The following FGD5 variants were observed in gnomAD, a reference collection of about 807,000 sequenced individuals.
FGD5 encodes FYVE, RhoGEF and PH domain containing 5.
In FGD5, 28 loss-of-function variants were observed where a neutral mutation model predicts 133.4. The ratio of observed to expected loss-of-function variants is 0.21; its 90% confidence interval spans 0.16 to 0.29. The LOEUF is 0.29. FGD5 is among the 10% of genes least tolerant of loss of function. The pLI is 1.00. For missense variants in FGD5, 1,858 were observed against 1,895.2 expected (o/e 0.98, Z 0.36); for synonymous variants, 810 against 776.5 (o/e 1.04, Z -0.72).
intron 10 of FGD5, among the ~76,000 whole-genome samples, chr3:14,908,688 C>G (rs1363986647): frequency 2.0e-5 from 3 of 151,808 alleles, no homozygotes; most frequent in African/African-American, 4.8e-5. Context: ...AGTTCGAGAT[C>G]AGTCTGGCTA....
intron 6 of FGD5, 57 bp downstream of exon 6, chr3:14,898,152 G>T: frequency 6.2e-7 from 1 of 1,604,824 alleles, no homozygotes; most frequent in Non-Finnish European, 8.5e-7. Flanking sequence ...TGAGGTGGGC[G>T]AAGGGCTTAA....
intron 1 of FGD5, among the ~76,000 whole-genome samples, chr3:14,851,099 G>A (rs1197984813): frequency 6.6e-6 from 1 of 152,190 alleles, no homozygotes; most frequent in African/African-American, 2.4e-5. Context: ...CCACACTGGT[G>A]ACAGAGGTGG....
At chr3:14,923,910 C>T (rs1266888496) in intron 16 of FGD5, 98 bp from the exon 17 acceptor site, 1 of 1,459,960 alleles carries the variant, frequency 6.8e-7, no homozygotes, top group Non-Finnish European at 9.3e-7. Flanking sequence ...ACCCCCATGG[C>T]TCACATTCCT....
chr3:14,860,409 G>T (rs979099258), intron 1 of FGD5, among the ~76,000 whole-genome samples: 4 of 152,140 alleles, frequency 2.6e-5, no homozygotes, highest in Non-Finnish European at 5.9e-5. Context: ...TCCTATATAG[G>T]ACAGTGAAAT....
In FGD5 at chr3:14,926,175, C is replaced by A; in HGVS notation, c.4174C>A (p.Leu1392Ile). 1 of 1,613,676 alleles carries A rather than the reference C, an allele frequency of 6.2e-7. No individual in the cohort carries two copies. Among genetic ancestry groups the A allele is most frequent in the African/African-American group, 1.3e-5 (1 of 75,018 alleles). ...KLWFVIKGKV[L>I]YTYMASEDKV... ...CTGGTTTGTCATCAAAGGCAAAGTT[C>A]TCTACACCTACATGGCCAGTGAGGT... Residue 1392 changes from leucine to isoleucine, a missense_variant, in exon 18 of 20, where the codon CTC (leucine) becomes ATC (isoleucine). This residue lies in a region of FGD5 where 1,824 missense variants were observed against 1,848.9 expected (regional missense o/e 0.99). Coordinates refer to ENST00000285046, the MANE Select transcript of FGD5 (RefSeq NM_152536.4).
chr3:14,827,756 C>G (rs2036629418), intron 1 of FGD5, among the ~76,000 whole-genome samples: 1 of 152,074 alleles, frequency 6.6e-6, no homozygotes, highest in African/African-American at 2.4e-5. Context: ...TACCCCTGCC[C>G]TTGTGTGGCC....
At chr3:14,912,073 CTT>C (rs1483459440) in intron 11 of FGD5, among the ~76,000 whole-genome samples, 1 of 152,032 alleles carries the variant, frequency 6.6e-6, no homozygotes, top group Non-Finnish European at 1.5e-5. Flanking sequence ...CTCAAGAAGT[CTT>C]TGTCTGCAGC....
chr3:14,900,682 G>A (rs1334797618), intron 8 of FGD5, among the ~76,000 whole-genome samples: 3 of 152,182 alleles, frequency 2.0e-5, no homozygotes, highest in Non-Finnish European at 4.4e-5. Flanking sequence ...AGGACATCCC[G>A]TCAGAGGGGA....
intron 1 of FGD5, 62 bp downstream of exon 1, chr3:14,821,658 G>T: frequency 6.8e-7 from 1 of 1,463,118 alleles, no homozygotes; most frequent in Non-Finnish European, 9.0e-7. Flanking sequence ...GGCAGCGTGG[G>T]TGTGGGGGAC....
chr3:14,814,718 G>GC (rs1191792441), upstream of FGD5, among the ~76,000 whole-genome samples: 2 of 152,122 alleles, frequency 1.3e-5, no homozygotes, highest in Non-Finnish European at 2.9e-5. Flanking sequence ...GACATCTCCA[G>GC]CTGCTTGACA....
intron 1 of FGD5, among the ~76,000 whole-genome samples, chr3:14,847,951 A>T (rs566280009): frequency 9.1e-4 from 138 of 152,262 alleles, no homozygotes; most frequent in African/African-American, 3.2e-3. Context: ...AGGAAAGGGT[A>T]GCCTTTCTCT....
intron 11 of FGD5, among the ~76,000 whole-genome samples, chr3:14,913,011 G>A (rs2038480921): frequency 6.6e-6 from 1 of 152,078 alleles, no homozygotes; most frequent in South Asian, 2.1e-4. Flanking sequence ...ACTCCAGCCT[G>A]GGCGACAGAG....
Position 14,898,071 on chromosome 3 carries a change from G to C in FGD5, c.3042G>C (p.Leu1014=). Residue 1014 remains leucine, a synonymous_variant, in exon 6 of 20, where the codon CTG becomes CTC. Transcript: ENST00000285046. ...LSENCLHSPR[L]AAAVREFEQS... is the part of the protein sequence containing the mutation. ...AGAATTGCCTCCACTCTCCCCGGCT[G>C]GCAGCTGCTGTCCGTGAATTTGAGG... The C allele has an allele frequency of 6.2e-7, 1 of 1,614,040 alleles. No homozygotes were observed. Among genetic ancestry groups the C allele is most frequent in the Non-Finnish European group, 8.5e-7 (1 of 1,179,898 alleles).
chr3:14,887,079 A>G (rs1311874941), intron 4 of FGD5, among the ~76,000 whole-genome samples: 1 of 152,158 alleles, frequency 6.6e-6, no homozygotes, highest in Non-Finnish European at 1.5e-5. Context: ...AGTCTTCTGC[A>G]TCCTCACTTT....
chr3:14,885,301 A>AGAGGTGGAAGAAGGGGT lies in FGD5; in HGVS notation c.2748+4530_2748+4546dup, dbSNP rs2037903898. The stretch of plus-strand genomic sequence containing the variant: ...ATTAGGCAAAACAGATAGTGAGAAG[A>AGAGGTGGAAGAAGGGGT]GAGGTGGAAGAAGGGGTCAGCTGTT... On this transcript the variant is annotated intron_variant, in intron 4 of 19. Transcript: ENST00000285046. Among the ~76,000 whole-genome samples, 3 of 151,560 alleles carry AGAGGTGGAAGAAGGGGT rather than the reference A, an allele frequency of 2.0e-5. No individual in the cohort carries two copies. In the South Asian group the frequency reaches 6.3e-4, roughly 32 times the overall value.
chr3:14,932,370 A>C, intron 18 of FGD5: 1 of 546,048 alleles, frequency 1.8e-6, no homozygotes. Context: ...GGCGTGAGCC[A>C]CCACACCCAG....
At chr3:14,857,625 G>A (rs1030243212) in intron 1 of FGD5, among the ~76,000 whole-genome samples, 5 of 152,206 alleles carry the variant, frequency 3.3e-5, no homozygotes, top group Admixed American at 3.3e-4. Flanking sequence ...TTGCCTATAA[G>A]TTGTAAGGTA....
At chr3:14,902,582 C>T (rs1055827204) in intron 9 of FGD5, among the ~76,000 whole-genome samples, 4 of 152,092 alleles carry the variant, frequency 2.6e-5, no homozygotes, top group Non-Finnish European at 4.4e-5. Context: ...GTTTCCGGGC[C>T]GTTTTCCATG....
At chr3:14,827,292 T>TC (rs2036618804) in intron 1 of FGD5, among the ~76,000 whole-genome samples, 1 of 147,284 alleles carries the variant, frequency 6.8e-6, no homozygotes, top group African/African-American at 2.5e-5. Context: ...TTTTTTTTTT[T>TC]TTTTTTTTTT....
Sources: allele counts gnomAD v4.1 joint callset (sites outside exome capture counted in the v4.1 genomes callset), GRCh38; gene constraint gnomAD v4.1.1; regional missense constraint gnomAD v4.1.1; transcripts MANE v1.5; gene names NCBI Gene and HGNC (gene_info 2026-07-23, HGNC 2026-07-21).